Variants in SLC5A4 observed in about 807,000 individuals in gnomAD.
The protein encoded by SLC5A4 is probable glucose sensor protein SLC5A4.
A neutral mutation model predicts 70.3 loss-of-function variants in SLC5A4; 55 were observed. The observed-to-expected ratio is 0.78, with a 90% confidence interval of 0.63 to 0.98. The LOEUF is 0.98. SLC5A4 is among the 50% of genes least tolerant of loss of function. SLC5A4 has a pLI of 0.00. For missense variants in SLC5A4, 735 were observed against 839.2 expected, an observed-to-expected ratio of 0.88 and a Z score of 1.53; for synonymous variants, 268 against 305.7, an observed-to-expected ratio of 0.88 and a Z score of 1.29.
the SLC5A4 span, among the ~76,000 whole-genome samples, chr22:32,297,642 T>C: frequency 8.8e-6 from 1 of 113,080 alleles, no homozygotes; most frequent in East Asian, 2.3e-4. Context: ...GTTTTTTGTG[T>C]CTCTATTTCC....
the SLC5A4 span, among the ~76,000 whole-genome samples, chr22:32,312,405 C>T: frequency 6.8e-5 from 10 of 147,726 alleles, no homozygotes; most frequent in Non-Finnish European, 1.5e-4. Context: ...AATATTCTGA[C>T]ACAAATAGCC....
the SLC5A4 span, among the ~76,000 whole-genome samples, chr22:32,313,558 T>C: frequency 6.6e-6 from 1 of 152,160 alleles, no homozygotes; most frequent in South Asian, 2.1e-4. Flanking sequence ...TGGAACAAGA[T>C]CTACAGTGTG....
At chr22:32,263,427 G>A in the SLC5A4 span, among the ~76,000 whole-genome samples, 21 of 152,038 alleles carry the variant, frequency 1.4e-4, no homozygotes, top group Non-Finnish European at 2.2e-4. Flanking sequence ...CCATTTATGC[G>A]GCCAAGAAAC....
At chr22:32,279,526 C>T in the SLC5A4 span, among the ~76,000 whole-genome samples, 1 of 152,118 alleles carries the variant, frequency 6.6e-6, no homozygotes, top group South Asian at 2.1e-4. Flanking sequence ...TGTGGTGGCT[C>T]ACGCCTGTAA....
At chr22:32,295,680 T>G in the SLC5A4 span, among the ~76,000 whole-genome samples, 2 of 93,024 alleles carry the variant, frequency 2.1e-5, 1 homozygote, top group Non-Finnish European at 4.5e-5. Flanking sequence ...ATTTGTCAAT[T>G]TTGTCTTTTG....
the SLC5A4 span, among the ~76,000 whole-genome samples, chr22:32,290,728 A>G: frequency 6.6e-6 from 1 of 152,112 alleles, no homozygotes; most frequent in Non-Finnish European, 1.5e-5. Flanking sequence ...CCAAGATCGC[A>G]GCTTGTTGCT....
At chr22:32,272,501 T>C in the SLC5A4 span, 1 of 709,580 alleles carries the variant, frequency 1.4e-6, no homozygotes, top group Admixed American at 2.1e-5. Context: ...ATCTGGCTGC[T>C]GTTACCAGGA....
rs966209792 is a variant in SLC5A4, at chr22:32,239,000, C to T, written c.568G>A (p.Val190Ile). The T allele has an allele frequency of 6.2e-7, 1 of 1,613,106 alleles. No homozygotes were observed. Among genetic ancestry groups the T allele is most frequent in the Non-Finnish European group, 8.5e-7 (1 of 1,179,098 alleles). Reference sequence around the variant, plus strand: ...ACATACTTACCAGTGGTGGTGTAAACAGCAGTCATAGCCAAGAGGATGAAG... The same window carrying T: ...ACATACTTACCAGTGGTGGTGTAAATAGCAGTCATAGCCAAGAGGATGAAG... ...AIFILLAMTAVYTTTGGLASV... is the reference protein window; with the variant it reads ...AIFILLAMTAIYTTTGGLASV... Residue 190 changes from valine (V) to isoleucine (I), a missense_variant, in exon 6 of 15, where the codon GTT (valine) becomes ATT (isoleucine). Transcript: ENST00000266086.
At chr22:32,352,094 A>G in the SLC5A4 span, among the ~76,000 whole-genome samples, 1 of 152,278 alleles carries the variant, frequency 6.6e-6, no homozygotes, top group South Asian at 2.1e-4. Context: ...GCCATAAAAA[A>G]TGATGAGTTC....
the SLC5A4 span, among the ~76,000 whole-genome samples, chr22:32,332,960 G>A: frequency 9.2e-5 from 14 of 152,250 alleles, no homozygotes; most frequent in African/African-American, 3.1e-4. Flanking sequence ...TTTTCAAAGC[G>A]TTTTTCAAAT....
chr22:32,225,729 T>C lies in SLC5A4; in HGVS notation c.1375A>G (p.Ile459Val), dbSNP rs1233959203. ...ATTGGAGGCCCAAGGTAGCTAGAAA[T>C]TGATTCTGTGTAATGGATTAGTTGT... is the stretch of plus-strand genomic sequence containing the variant. ...NGQLIHYTES[I>V]SSYLGPPIAA... The change falls in exon 12 of 15, where the codon ATT becomes GTT. Residue 459 changes from isoleucine (I) to valine (V), a missense_variant. By Grantham distance (29) the Ile-to-Val change is conservative. Coordinates refer to ENST00000266086, the MANE Select transcript of SLC5A4 (RefSeq NM_014227.3). The C allele has an allele frequency of 3.1e-6, 5 of 1,613,270 alleles. No individual in the cohort carries two copies. The East Asian group carries it at 1.1e-4, about 36-fold the overall frequency.
intron 5 of SLC5A4, among the ~76,000 whole-genome samples, chr22:32,243,723 A>C (rs1032691422): frequency 3.3e-5 from 5 of 152,216 alleles, no homozygotes; most frequent in African/African-American, 1.2e-4. Context: ...TCAAATAGTT[A>C]AAAACATATG....
At chr22:32,249,288 A>G (rs1927009672) in intron 3 of SLC5A4, among the ~76,000 whole-genome samples, 1 of 152,204 alleles carries the variant, frequency 6.6e-6, no homozygotes, top group East Asian at 1.9e-4. Context: ...AGTGAGGCAG[A>G]TATGAGAAGC....
At chr22:32,335,070 C>T in the SLC5A4 span, among the ~76,000 whole-genome samples, 1 of 152,162 alleles carries the variant, frequency 6.6e-6, no homozygotes, top group Non-Finnish European at 1.5e-5. Flanking sequence ...TCCAAGAGAT[C>T]ACAGGGAGGG....
At chr22:32,313,644 A>G in the SLC5A4 span, among the ~76,000 whole-genome samples, 2 of 152,188 alleles carry the variant, frequency 1.3e-5, no homozygotes, top group African/African-American at 4.8e-5. Flanking sequence ...GAAAAGAAAT[A>G]CAAACTCCAT....
the SLC5A4 span, among the ~76,000 whole-genome samples, chr22:32,312,996 T>C: frequency 1.3e-5 from 2 of 152,070 alleles, no homozygotes; most frequent in African/African-American, 4.8e-5. Context: ...GAGACAAAAA[T>C]GTCGCTATCA....
chr22:32,244,909 C>T lies in SLC5A4; in HGVS notation c.477+2502G>A, dbSNP rs1926733139. 2.0e-5 allele frequency among the ~76,000 whole-genome samples: 3 copies of T among 152,138 alleles called. No individual in the cohort carries two copies. The South Asian group carries it at 6.2e-4, about 32-fold the overall frequency. The stretch of plus-strand genomic sequence containing the variant: ...ATTTTAACCATTTAAGTATATAATT[C>T]AGTGGCATTAATTACACTAACAATG... On this transcript the variant is annotated intron_variant, in intron 5 of 14. Transcript: ENST00000266086.
the SLC5A4 span, among the ~76,000 whole-genome samples, chr22:32,286,375 C>T: frequency 1.3e-5 from 2 of 152,130 alleles, no homozygotes; most frequent in African/African-American, 2.4e-5. Context: ...TATTCTGTTT[C>T]CCTTTCCATG....
chr22:32,314,198 C>T, the SLC5A4 span, among the ~76,000 whole-genome samples: 3 of 152,192 alleles, frequency 2.0e-5, no homozygotes, highest in Admixed American at 2.0e-4. Flanking sequence ...CTCAGCTTCA[C>T]AGAACAAAGC....
Sources: allele counts gnomAD v4.1 joint callset (sites outside exome capture counted in the v4.1 genomes callset), GRCh38; gene constraint gnomAD v4.1.1; transcripts MANE v1.5; gene names NCBI Gene and HGNC (gene_info 2026-07-23, HGNC 2026-07-21).